CUL5: variants seen among roughly 807,000 people sequenced by gnomAD.
CUL5 encodes the protein cullin 5.
CUL5 carries 26 observed loss-of-function variants against 108.8 expected under a neutral mutation model. That is an observed-to-expected ratio of 0.24 (90% confidence interval 0.18 to 0.33). CUL5 has a LOEUF of 0.33. CUL5 is among the 10% of genes least tolerant of loss of function. CUL5 has a pLI of 1.00. For missense variants in CUL5, 524 were observed against 909.2 expected (o/e 0.58, Z 5.45); for synonymous variants, 334 against 298.0 (o/e 1.12, Z -1.25).
At chr11:108,036,985 T>C (rs184620914) in intron 2 of CUL5, among the ~76,000 whole-genome samples, 4 of 152,262 alleles carry the variant, frequency 2.6e-5, no homozygotes, top group African/African-American at 9.6e-5. Flanking sequence ...AAAGCTTTGC[T>C]CCAGCCCTGG....
intron 1 of CUL5, among the ~76,000 whole-genome samples, chr11:108,017,109 C>T (rs1408301120): frequency 6.6e-6 from 1 of 152,092 alleles, no homozygotes; most frequent in Non-Finnish European, 1.5e-5. Flanking sequence ...AAATTTCAGG[C>T]TGGGCACAGT....
chr11:108,033,128 T>C (rs1369892759), intron 1 of CUL5, among the ~76,000 whole-genome samples: 1 of 152,202 alleles, frequency 6.6e-6, no homozygotes, highest in East Asian at 1.9e-4. Context: ...AAGAGACTCA[T>C]AGGGCTAAGT....
chr11:108,081,784 T>C (rs536814282), intron 11 of CUL5, among the ~76,000 whole-genome samples: 63 of 152,168 alleles, frequency 4.1e-4, no homozygotes, highest in Non-Finnish European at 6.9e-4. Flanking sequence ...GATGTATGTG[T>C]TTATTTTTGA....
intron 7 of CUL5, among the ~76,000 whole-genome samples, chr11:108,059,714 T>TA (rs905257024): frequency 1.6e-3 from 232 of 147,794 alleles, no homozygotes; most frequent in African/African-American, 2.2e-3. Flanking sequence ...CTGTCTCTAC[T>TA]AAAAAAAAAA....
intron 7 of CUL5, among the ~76,000 whole-genome samples, chr11:108,062,939 G>A (rs1480302362): frequency 6.6e-6 from 1 of 152,020 alleles, no homozygotes; most frequent in Non-Finnish European, 1.5e-5. Context: ...TCCGCCTCCT[G>A]GGTTCAAGTG....
rs1042578243 is a variant in CUL5 at position 108,009,306 on chromosome 11, C to T, written c.-43C>T. 6.2e-7 allele frequency: 1 copy of T among 1,608,464 alleles called. No homozygotes were observed. Among genetic ancestry groups the T allele is most frequent in the Non-Finnish European group, 8.5e-7 (1 of 1,177,266 alleles). On this transcript the variant is annotated 5_prime_UTR_variant, in exon 1 of 19. Transcript: ENST00000393094. ...CCGGTCAAGGCCTGGCCGGGAGCGC[C>T]ACGAATTCTCGCGTCGTCTCGCGAG... is the stretch of plus-strand genomic sequence containing the variant.
intron 17 of CUL5, 126 bp from the exon 18 acceptor site, chr11:108,098,280 A>G: frequency 1.2e-6 from 1 of 829,358 alleles, no homozygotes; most frequent in Non-Finnish European, 1.8e-6. Context: ...GTTATTTGTC[A>G]TTTAACCTTT....
Position 108,089,556 on chromosome 11 carries a change from C to T in CUL5, c.1376C>T (p.Thr459Ile). 6.4e-7 allele frequency: 1 copy of T among 1,567,052 alleles called. No homozygotes were observed. Among genetic ancestry groups the T allele is most frequent in the Non-Finnish European group, 8.6e-7 (1 of 1,160,266 alleles). ...ATGAGGTATCATAAAGCTCATTTGA[C>T]ACGACGTCTTATATTAGACATCTCT... ...VFMRYHKAHLTRRLILDISAD... is the reference protein window; with the variant it reads ...VFMRYHKAHLIRRLILDISAD... Residue 459 changes from threonine (T) to isoleucine (I), a missense_variant, in exon 13 of 19, where the codon ACA (threonine) becomes ATA (isoleucine). Physicochemically the swap from Thr to Ile is moderately conservative, Grantham distance 89 (BLOSUM62 -1). Transcript: ENST00000393094.
intron 2 of CUL5, among the ~76,000 whole-genome samples, chr11:108,043,388 A>C (rs1305810335): frequency 6.6e-6 from 1 of 152,202 alleles, no homozygotes; most frequent in Non-Finnish European, 1.5e-5. Flanking sequence ...CTCTTCTTTT[A>C]GACTCTAGAT....
intron 10 of CUL5, among the ~76,000 whole-genome samples, chr11:108,077,754 G>C (rs1355336746): frequency 1.3e-5 from 2 of 152,090 alleles, no homozygotes; most frequent in African/African-American, 4.8e-5. Context: ...AGACCAGCCT[G>C]GCCAACATGG....
chr11:108,032,164 CTTAAAAG>C (rs770438229), intron 1 of CUL5, among the ~76,000 whole-genome samples: 2 of 152,164 alleles, frequency 1.3e-5, no homozygotes, highest in Non-Finnish European at 2.9e-5. Context: ...GTACCCCAAA[CTTAAAAG>C]TTAAAGAAAA....
chr11:108,089,914 C>G (rs1864309294), intron 13 of CUL5, among the ~76,000 whole-genome samples: 2 of 151,956 alleles, frequency 1.3e-5, no homozygotes, highest in Admixed American at 6.6e-5. Flanking sequence ...CTGGTGCACT[C>G]CGGTAATTCC....
At chr11:108,100,782 A>G (rs1046451413) in intron 18 of CUL5, among the ~76,000 whole-genome samples, 12 of 151,864 alleles carry the variant, frequency 7.9e-5, no homozygotes, top group African/African-American at 2.7e-4. Context: ...TGTAATCCCA[A>G]CACTTTGGGA....
intron 11 of CUL5, among the ~76,000 whole-genome samples, chr11:108,079,292 G>A (rs567704650): frequency 7.4e-4 from 112 of 152,216 alleles, no homozygotes; most frequent in African/African-American, 2.5e-3. Context: ...TTTTAATGGA[G>A]ACGGGGTTTC....
rs112764455 is a variant in CUL5 at position 108,056,018 on chromosome 11, A to G, written c.780+1063A>G. Among the ~76,000 whole-genome samples, 324 of 152,174 alleles carry G rather than the reference A, an allele frequency of 2.1e-3. 2 individuals are homozygous for G. Among genetic ancestry groups the G allele is most frequent in the African/African-American group, 7.4e-3 (308 of 41,520 alleles). On this transcript the variant is annotated intron_variant, in intron 7 of 18. Coordinates refer to ENST00000393094, the MANE Select transcript of CUL5 (RefSeq NM_003478.6). ...GGTTTTGAACTCCTGGCCTCAAGCA[A>G]TCCTTCTTGCTCAGCCTCCCAAAAT...
At chr11:108,024,516 G>A (rs764039063) in intron 1 of CUL5, among the ~76,000 whole-genome samples, 10 of 152,206 alleles carry the variant, frequency 6.6e-5, no homozygotes, top group Non-Finnish European at 1.3e-4. Flanking sequence ...GTTTGGAACA[G>A]TACAGCACCT....
chr11:108,059,012 T>C (rs1461524416), intron 7 of CUL5, among the ~76,000 whole-genome samples: 1 of 152,168 alleles, frequency 6.6e-6, no homozygotes, highest in Non-Finnish European at 1.5e-5. Context: ...ATGCCTTTTG[T>C]GTTTTAAGAG....
At chr11:108,089,668 C>G (rs370194703) in intron 13 of CUL5, 45 bp downstream of exon 13, 5 of 1,041,640 alleles carry the variant, frequency 4.8e-6, no homozygotes, top group Non-Finnish European at 6.7e-6. Context: ...TACATTACAT[C>G]ATTTATATGT....
chr11:108,048,560 T>G (rs1863122994), intron 3 of CUL5, among the ~76,000 whole-genome samples: 1 of 151,928 alleles, frequency 6.6e-6, no homozygotes, highest in South Asian at 2.1e-4. Flanking sequence ...TGAGAAATCT[T>G]TCACTGTTAC....
Sources: allele counts gnomAD v4.1 joint callset (sites outside exome capture counted in the v4.1 genomes callset), GRCh38; gene constraint gnomAD v4.1.1; transcripts MANE v1.5; gene names NCBI Gene and HGNC (gene_info 2026-07-23, HGNC 2026-07-21).